Variants in KIR2DL3 observed in about 807,000 individuals in gnomAD.
KIR2DL3 encodes killer cell immunoglobulin-like receptor 2DL3.
Under a neutral mutation model 33.8 loss-of-function variants are expected in KIR2DL3, and 39 were observed. That is an observed-to-expected ratio of 1.15 (90% CI 0.89 to 1.51). KIR2DL3 has a LOEUF of 1.51. KIR2DL3 is among the 40% of genes most tolerant of loss of function. The pLI is 0.00. For missense variants in KIR2DL3, 462 were observed against 426.2 expected (o/e 1.08, Z -0.74); for synonymous variants, 174 against 160.2 (o/e 1.09, Z -0.65).
In KIR2DL3 at chr19:54,749,027, T is replaced by A. The variant is rs685530; in HGVS notation, c.715+1642T>A. On this transcript the variant is annotated intron_variant, in intron 5 of 7. Transcript: ENST00000342376. ...TTGTGACATTAATGAAAAACACGGA[T>A]TGAACCCCTGAAAGATTGGCGGAAG... Among the ~76,000 whole-genome samples, 1,141 of 148,988 alleles carry A rather than the reference T, an allele frequency of 7.7e-3. 10 individuals carry two copies. The highest frequency in any genetic ancestry group is 0.018 in the African/African-American group (687 of 38,550).
At chr19:54,750,604 T>C (rs1050442097) in intron 5 of KIR2DL3, among the ~76,000 whole-genome samples, 1 of 137,294 alleles carries the variant, frequency 7.3e-6, no homozygotes, top group Non-Finnish European at 1.6e-5. Context: ...ATTCGCTGTG[T>C]ATCAATCCCA....
At chr19:54,741,397 T>C (rs2071073530) in intron 2 of KIR2DL3, among the ~76,000 whole-genome samples, 1 of 151,648 alleles carries the variant, frequency 6.6e-6, no homozygotes, top group Non-Finnish European at 1.5e-5. Context: ...TACCCTGAGA[T>C]CAGCAAGGGT....
chr19:54,742,707 C>A (rs1469463689), intron 3 of KIR2DL3, among the ~76,000 whole-genome samples: 3 of 148,568 alleles, frequency 2.0e-5, no homozygotes, highest in South Asian at 4.4e-4. Flanking sequence ...GTGGCACCTA[C>A]AGGCCATGTT....
intron 2 of KIR2DL3, among the ~76,000 whole-genome samples, chr19:54,740,049 G>C (rs1199919694): frequency 2.6e-5 from 4 of 151,696 alleles, no homozygotes; most frequent in African/African-American, 9.7e-5. Flanking sequence ...TTAAAATCTA[G>C]TAGGAGTCTC....
intron 3 of KIR2DL3, 95 bp downstream of exon 3, chr19:54,742,374 G>A: frequency 6.6e-7 from 1 of 1,521,228 alleles, no homozygotes; most frequent in East Asian, 2.3e-5. Context: ...GATGAGCTTG[G>A]TATTCTTATG....
chr19:54,747,781 T>C (rs970051723), intron 5 of KIR2DL3, among the ~76,000 whole-genome samples: 1 of 152,168 alleles, frequency 6.6e-6, no homozygotes, highest in Non-Finnish European at 1.5e-5. Flanking sequence ...TGAATTACTG[T>C]TGGTCATGAA....
intron 4 of KIR2DL3, among the ~76,000 whole-genome samples, chr19:54,745,549 A>C (rs1293360546): frequency 1.2e-3 from 186 of 150,600 alleles, no homozygotes; most frequent in African/African-American, 4.2e-3. Flanking sequence ...TTTTTAGTAT[A>C]GATGGGGTTT....
In KIR2DL3 at chr19:54,749,403, G is replaced by C. The variant is rs1359913102; in HGVS notation, c.715+2018G>C. Among the ~76,000 whole-genome samples, 5 of 132,388 alleles carry C rather than the reference G, an allele frequency of 3.8e-5. No individual in the cohort carries two copies. The Admixed American group carries it at 3.8e-4, about 10-fold the overall frequency. The allele number at this position is 132,388 out of a possible 152,430, so 86.9% of individuals were successfully genotyped here. ...TGTGGTGCTGATTTAGACACTAAATGAATGAAGTAGATGGATATAAGATAT... is the reference window on the plus strand; with the variant it reads ...TGTGGTGCTGATTTAGACACTAAATCAATGAAGTAGATGGATATAAGATAT... On this transcript the variant is annotated intron_variant, in intron 5 of 7. Coordinates refer to ENST00000342376, the MANE Select transcript of KIR2DL3 (RefSeq NM_015868.3).
intron 1 of KIR2DL3, among the ~76,000 whole-genome samples, chr19:54,739,194 C>A (rs1194213644): frequency 6.6e-6 from 1 of 150,432 alleles, no homozygotes; most frequent in East Asian, 2.0e-4. Context: ...GAGATCTGGG[C>A]CTGGGGCGGA....
Position 54,751,768 on chromosome 19 carries a change from G to A in KIR2DL3, c.820+15G>A, listed in dbSNP as rs781605428. 6.9e-6 allele frequency: 10 copies of A among 1,444,438 alleles called. 2 individuals carry two copies. The East Asian group carries it at 2.0e-4, about 29-fold the overall frequency. 89.5% of individuals were successfully genotyped at this position (1,444,438 alleles called of 1,614,324 possible). A position where few individuals can be genotyped will look rare whatever the true frequency, so the allele number is the denominator to read the frequency against. ...CAACAAAAAAAGTAAGTCTCACGAA[G>A]CAGAGGCCAGAGAGCTCAGGGCCAT... On this transcript the variant is annotated intron_variant, in intron 6 of 7. Coordinates refer to ENST00000342376, the MANE Select transcript of KIR2DL3 (RefSeq NM_015868.3).
At chr19:54,743,653 A>T (rs1376020992) in intron 3 of KIR2DL3, 142 bp from the exon 4 acceptor site, 2 of 976,530 alleles carry the variant, frequency 2.0e-6, no homozygotes, top group Non-Finnish European at 2.9e-6. Flanking sequence ...GGAAATAGAC[A>T]TGAAGAGAGA....
At chr19:54,748,896 G>A (rs1231758772) in intron 5 of KIR2DL3, among the ~76,000 whole-genome samples, 431 of 149,900 alleles carry the variant, frequency 2.9e-3, no homozygotes, top group African/African-American at 0.01. Flanking sequence ...CAAAGTAATG[G>A]GACTACAGGC....
Position 54,752,365 on chromosome 19 carries a change from A to G in KIR2DL3, c.874-2A>G. 1 of 1,475,902 alleles carries G rather than the reference A, an allele frequency of 6.8e-7. No individual in the cohort carries two copies. Among genetic ancestry groups the G allele is most frequent in the East Asian group, 2.3e-5 (1 of 44,350 alleles). The allele number at this position is 1,475,902 out of a possible 1,614,324, so 91.4% of individuals were successfully genotyped here. A position where few individuals can be genotyped will look rare whatever the true frequency, so the allele number is the denominator to read the frequency against. On this transcript the variant is annotated splice_acceptor_variant, in intron 7 of 7. Transcript: ENST00000342376. LOFTEE classifies it high-confidence loss of function. ...CCTCACTCAGCATTTCCCTCTCTCC[A>G]GGACTCTGATGAACAAGACCCTCAG...
At chr19:54,747,479 A>G (rs2072728379) in intron 5 of KIR2DL3, 94 bp downstream of exon 5, 1 of 1,467,750 alleles carries the variant, frequency 6.8e-7, no homozygotes, top group African/African-American at 1.4e-5. Context: ...CAGCTCTGAC[A>G]TTGTACGCCT....
At chr19:54,749,713 G>C (rs1348988493) in intron 5 of KIR2DL3, among the ~76,000 whole-genome samples, 2 of 62,556 alleles carry the variant, frequency 3.2e-5, no homozygotes, top group African/African-American at 6.5e-5. Context: ...CCTGGCCAAC[G>C]TGGTGAAACC....
intron 3 of KIR2DL3, 57 bp downstream of exon 3, chr19:54,742,336 C>G: frequency 1.3e-6 from 2 of 1,594,070 alleles, no homozygotes; most frequent in Non-Finnish European, 1.7e-6. Context: ...TGATCCACGA[C>G]TTGGAACCCC....
intron 4 of KIR2DL3, among the ~76,000 whole-genome samples, chr19:54,745,867 C>T (rs1345847339): frequency 6.9e-6 from 1 of 145,414 alleles, no homozygotes; most frequent in Non-Finnish European, 1.5e-5. Flanking sequence ...GGCTGGAGTG[C>T]AGTGGTGCGA....
chr19:54,749,091 G>A (rs1600438357), intron 5 of KIR2DL3, among the ~76,000 whole-genome samples: 1 of 152,042 alleles, frequency 6.6e-6, no homozygotes, highest in Non-Finnish European at 1.5e-5. Flanking sequence ...AAGGCACAAA[G>A]GTGAAAACAA....
At position 54,749,432 on chromosome 19, in the gene KIR2DL3, T is replaced by G. The variant is rs113184009; in HGVS notation, c.715+2047T>G. On this transcript the variant is annotated intron_variant, in intron 5 of 7. Transcript: ENST00000342376. ...GAAGTAGATGGATATAAGATATGTT[T>G]GTGAGGTAGAATCATTGACTGGAAA... Among the ~76,000 whole-genome samples, 214 of 125,920 alleles carry G rather than the reference T, an allele frequency of 1.7e-3. 22 individuals carry two copies. Among genetic ancestry groups the G allele is most frequent in the Middle Eastern group, 4.2e-3 (1 of 238 alleles). The allele number at this position is 125,920 out of a possible 152,430, so 82.6% of individuals were successfully genotyped here. A position where few individuals can be genotyped will look rare whatever the true frequency, so the allele number is the denominator to read the frequency against.
Sources: allele counts gnomAD v4.1 joint callset (sites outside exome capture counted in the v4.1 genomes callset), GRCh38; gene constraint gnomAD v4.1.1; transcripts MANE v1.5; gene names NCBI Gene and HGNC (gene_info 2026-07-23, HGNC 2026-07-21).